CDYL2: variants seen among roughly 807,000 people sequenced by gnomAD.
The protein encoded by CDYL2 is chromodomain Y like 2.
CDYL2 carries 23 observed loss-of-function variants against 49.4 expected under a neutral mutation model. The observed-to-expected ratio is 0.47, with a 90% CI of 0.34 to 0.66. The LOEUF is 0.66. CDYL2 is among the 30% of genes least tolerant of loss of function. CDYL2 has a pLI of 0.01. For missense variants in CDYL2, 678 were observed against 656.4 expected (o/e 1.03, Z -0.36); for synonymous variants, 360 against 268.8 (o/e 1.34, Z -3.32).
intron 1 of CDYL2, among the ~76,000 whole-genome samples, chr16:80,786,417 C>T (rs1214908650): frequency 1.3e-5 from 2 of 152,174 alleles, no homozygotes; most frequent in African/African-American, 4.8e-5. Context: ...CAATGAGATA[C>T]CATCTCACGC....
chr16:80,734,756 T>C (rs578183286), intron 1 of CDYL2, among the ~76,000 whole-genome samples: 69 of 152,330 alleles, frequency 4.5e-4, no homozygotes, highest in South Asian at 1.4e-3. Flanking sequence ...AGGTGTTGAA[T>C]GGATCACTGC....
intron 1 of CDYL2, among the ~76,000 whole-genome samples, chr16:80,775,227 G>C (rs1907041701): frequency 6.6e-6 from 1 of 151,604 alleles, no homozygotes; most frequent in African/African-American, 2.4e-5. Flanking sequence ...TATATTATAA[G>C]TGAAGATATA....
chr16:80,732,259 G>T lies in CDYL2; in HGVS notation c.25-47130C>A, dbSNP rs893681852. Among the ~76,000 whole-genome samples the T allele has an allele frequency of 5.9e-5, 9 of 152,102 alleles. No homozygotes were observed. The South Asian group carries it at 1.9e-3, about 32-fold the overall frequency. On this transcript the variant is annotated intron_variant, in intron 1 of 6. Transcript: ENST00000570137. ...TGAAATCAGGATACATTCTACAACT[G>T]AGAGAGTATCATAGTTTAATGGGCT...
intron 1 of CDYL2, among the ~76,000 whole-genome samples, chr16:80,797,627 T>C (rs1907805642): frequency 6.6e-6 from 1 of 152,316 alleles, no homozygotes; most frequent in Non-Finnish European, 1.5e-5. Flanking sequence ...TCAACCCTGG[T>C]ACTGCCTAAC....
intron 1 of CDYL2, among the ~76,000 whole-genome samples, chr16:80,794,715 G>A (rs576825258): frequency 1.4e-4 from 21 of 147,158 alleles, no homozygotes; most frequent in Admixed American, 4.2e-4. Flanking sequence ...AGGTTCAAGC[G>A]ATTCTCCTGC....
rs1160360655 is a variant in CDYL2, at chr16:80,615,494, C to T, written c.1008-2658G>A. On this transcript the variant is annotated intron_variant, in intron 4 of 6. Transcript: ENST00000570137. ...ATAACATTCCAACGATGCATCATTC[C>T]GCCTCTGCTGGACGTTTTTAATAAA... Among the ~76,000 whole-genome samples the T allele has an allele frequency of 2.0e-5, 3 of 152,026 alleles. No homozygotes were observed. The East Asian group carries it at 5.8e-4, about 29-fold the overall frequency.
In CDYL2 at chr16:80,744,825, C is replaced by T. The variant is rs188399334; in HGVS notation, c.24+59325G>A. Among the ~76,000 whole-genome samples, 4 of 152,266 alleles carry T rather than the reference C, an allele frequency of 2.6e-5. No homozygotes were observed. The East Asian group carries it at 7.7e-4, about 29-fold the overall frequency. On this transcript the variant is annotated intron_variant, in intron 1 of 6. Transcript: ENST00000570137. ...ATCTCTGTGACAGCTGGCAGCATGT[C>T]CCCCAGGAGAAGGAAGTGGACAGTC...
intron 4 of CDYL2, among the ~76,000 whole-genome samples, chr16:80,613,808 G>C (rs1039826942): frequency 3.3e-5 from 5 of 152,172 alleles, no homozygotes; most frequent in African/African-American, 1.2e-4. Context: ...ACTTTCAGAG[G>C]AAAGATTAGA....
intron 6 of CDYL2, among the ~76,000 whole-genome samples, chr16:80,605,235 T>C (rs1444871174): frequency 6.6e-6 from 1 of 151,314 alleles, no homozygotes; most frequent in Non-Finnish European, 1.5e-5. Context: ...GATTATTCAT[T>C]ACTAAAGTAT....
chr16:80,602,899 C>T lies in CDYL2; in HGVS notation c.*1489G>A, dbSNP rs1183392387. 1 of 115,520 alleles carries T rather than the reference C, an allele frequency of 8.7e-6. No individual in the cohort carries two copies. The allele number at this position is 115,520 out of a possible 1,614,324, so 7.2% of individuals were successfully genotyped here. On this transcript the variant is annotated 3_prime_UTR_variant, in exon 7 of 7. Coordinates refer to ENST00000570137, the MANE Select transcript of CDYL2 (RefSeq NM_152342.4). ...ATCCCTTCCATTTGTCTGCTCTCAA[C>T]TTCAGGTTTTCCTGAACTTTCTCCT...
At chr16:80,682,132 C>T (rs1909990483) in intron 2 of CDYL2, among the ~76,000 whole-genome samples, 1 of 152,174 alleles carries the variant, frequency 6.6e-6, no homozygotes, top group Admixed American at 6.5e-5. Flanking sequence ...TAATCTAATA[C>T]ATGCAGAATC....
chr16:80,663,841 C>T (rs1053281498), intron 2 of CDYL2, among the ~76,000 whole-genome samples: 3 of 152,244 alleles, frequency 2.0e-5, no homozygotes, highest in Non-Finnish European at 4.4e-5. Context: ...AATCCACCAC[C>T]TTGGCCTCCC....
At chr16:80,700,198 G>C (rs933727602) in intron 1 of CDYL2, among the ~76,000 whole-genome samples, 2 of 152,196 alleles carry the variant, frequency 1.3e-5, no homozygotes, top group Non-Finnish European at 2.9e-5. Flanking sequence ...AGAAATCACA[G>C]TGCCTCTGCA....
At chr16:80,604,640 T>A (rs113693335) in intron 6 of CDYL2, 94 bp from the exon 7 acceptor site, 6 of 1,337,664 alleles carry the variant, frequency 4.5e-6, no homozygotes, top group Non-Finnish European at 6.4e-6. Context: ...CAACCTCCCA[T>A]ACTCACAGCC....
chr16:80,727,309 C>T (rs980119894), intron 1 of CDYL2, among the ~76,000 whole-genome samples: 26 of 152,178 alleles, frequency 1.7e-4, no homozygotes, highest in East Asian at 3.9e-4. Flanking sequence ...CAGGGAGTTC[C>T]GTTTCCTAGT....
chr16:80,617,550 C>T (rs1341531006), intron 4 of CDYL2, among the ~76,000 whole-genome samples: 1 of 152,170 alleles, frequency 6.6e-6, no homozygotes, highest in Non-Finnish European at 1.5e-5. Flanking sequence ...TCACTGCCAC[C>T]TTGTGTCCCC....
chr16:80,604,428 G>T lies in CDYL2; in HGVS notation c.1481C>A (p.Ser494Tyr). Residue 494 changes from serine (S) to tyrosine (Y), a missense_variant, in exon 7 of 7, where the codon TCC becomes TAC. Around this residue, in one of 3 missense-constraint regions of CDYL2, gnomAD observed 153 missense variants for 150.6 expected, o/e 1.02. Coordinates refer to ENST00000570137, the MANE Select transcript of CDYL2 (RefSeq NM_152342.4). ...QLWSSSKGLDSLFSYLQDKIY... is the reference protein window; with the variant it reads ...QLWSSSKGLDYLFSYLQDKIY... ...TTTGTCCTGCAGGTAGCTGAAAAGG[G>T]AGTCAAGGCCTTTGGAGGAGCTCCA... The T allele has an allele frequency of 6.2e-7, 1 of 1,614,240 alleles. No homozygotes were observed. The highest frequency in any genetic ancestry group is 1.3e-5 in the African/African-American group (1 of 75,054).
chr16:80,780,632 C>G (rs1907234008), intron 1 of CDYL2, among the ~76,000 whole-genome samples: 1 of 151,972 alleles, frequency 6.6e-6, no homozygotes, highest in Admixed American at 6.6e-5. Context: ...GTCTTGATCT[C>G]CTGACCTCAT....
chr16:80,617,143 A>G (rs1429255857), intron 4 of CDYL2, among the ~76,000 whole-genome samples: 3 of 152,160 alleles, frequency 2.0e-5, no homozygotes, highest in African/African-American at 7.2e-5. Flanking sequence ...GCTCTCCCCA[A>G]ATCTGCTAGT....
Sources: allele counts gnomAD v4.1 joint callset (sites outside exome capture counted in the v4.1 genomes callset), GRCh38; gene constraint gnomAD v4.1.1; regional missense constraint gnomAD v4.1.1; transcripts MANE v1.5; gene names NCBI Gene and HGNC (gene_info 2026-07-23, HGNC 2026-07-21).